Variants in NUMB observed in about 807,000 individuals in gnomAD.
NUMB encodes the protein protein numb homolog.
A neutral mutation model predicts 59.7 loss-of-function variants in NUMB; 29 were observed. That is an observed-to-expected ratio of 0.49 (90% CI 0.36 to 0.66). NUMB has a LOEUF of 0.66. Ranked by LOEUF, NUMB falls within the 30% of genes least tolerant of loss-of-function variation. NUMB has a pLI of 0.00. For synonymous variants in NUMB, 288 were observed against 288.2 expected, an observed-to-expected ratio of 1.00 and a Z score of 0.01; for missense variants, 723 against 822.0, an observed-to-expected ratio of 0.88 and a Z score of 1.47.
chr14:73,297,075 G>A (rs994536463), intron 7 of NUMB, 136 bp downstream of exon 7: 3 of 552,642 alleles, frequency 5.4e-6, no homozygotes, highest in East Asian at 3.7e-5. Flanking sequence ...GCTGAGGCAG[G>A]AGAATCGCTT....
intron 9 of NUMB, 23 bp from the exon 10 acceptor site, chr14:73,284,397 A>C: frequency 6.3e-7 from 1 of 1,596,426 alleles, no homozygotes; most frequent in South Asian, 1.1e-5. Flanking sequence ...AAGAGAATGA[A>C]GACCTTAGCA....
intron 3 of NUMB, among the ~76,000 whole-genome samples, chr14:73,358,515 GA>G (rs1487540163): frequency 6.6e-6 from 1 of 151,006 alleles, no homozygotes; most frequent in Admixed American, 6.6e-5. Flanking sequence ...TGCCTAGAAA[GA>G]AATATCGTTA....
At chr14:73,291,970 C>T (rs896493264) in intron 8 of NUMB, among the ~76,000 whole-genome samples, 2 of 152,208 alleles carry the variant, frequency 1.3e-5, no homozygotes, top group African/African-American at 2.4e-5. Context: ...AGGTGTGAAC[C>T]ACCGTGCCTG....
At chr14:73,302,405 C>CTTTTTTTTTTTTTTT (rs71112726) in intron 6 of NUMB, among the ~76,000 whole-genome samples, 1 of 115,054 alleles carries the variant, frequency 8.7e-6, no homozygotes. Flanking sequence ...TTCCACATTT[C>CTTTTTTTTTTTTTTT]TTTTTTTTTT....
At chr14:73,407,348 A>G (rs1595001432) in intron 2 of NUMB, among the ~76,000 whole-genome samples, 1 of 152,136 alleles carries the variant, frequency 6.6e-6, no homozygotes, top group South Asian at 2.1e-4. Context: ...GTTACTCTGG[A>G]GGCAGAGATG....
At chr14:73,401,435 A>G (rs1896407744) in intron 2 of NUMB, among the ~76,000 whole-genome samples, 1 of 152,132 alleles carries the variant, frequency 6.6e-6, no homozygotes, top group Non-Finnish European at 1.5e-5. Flanking sequence ...GGTACTCATG[A>G]ACCAATAATG....
intron 1 of NUMB, among the ~76,000 whole-genome samples, chr14:73,430,493 G>C (rs1287572032): frequency 6.6e-6 from 1 of 151,980 alleles, no homozygotes; most frequent in African/African-American, 2.4e-5. Context: ...AATTAGCCGG[G>C]TGTGGTGGTA....
At chr14:73,338,716 G>C (rs1257283299) in intron 4 of NUMB, among the ~76,000 whole-genome samples, 2 of 152,146 alleles carry the variant, frequency 1.3e-5, no homozygotes, top group African/African-American at 4.8e-5. Context: ...ATGTATGCGG[G>C]CATTTTTGGT....
chr14:73,445,817 T>C (rs1419097538), intron 1 of NUMB, among the ~76,000 whole-genome samples: 1 of 152,138 alleles, frequency 6.6e-6, no homozygotes, highest in African/African-American at 2.4e-5. Flanking sequence ...TTGGAGTTCA[T>C]TTTACCATAC....
intron 2 of NUMB, among the ~76,000 whole-genome samples, chr14:73,407,749 G>C (rs546193101): frequency 1.3e-5 from 2 of 152,236 alleles, no homozygotes; most frequent in East Asian, 3.9e-4. Flanking sequence ...AAAGCCTATT[G>C]TCCATTCCTA....
chr14:73,328,954 C>T (rs571169172), intron 4 of NUMB, among the ~76,000 whole-genome samples: 129 of 152,064 alleles, frequency 8.5e-4, no homozygotes, highest in African/African-American at 3.0e-3. Flanking sequence ...CTACAACCTC[C>T]GCCTCCCAGG....
chr14:73,373,076 G>A (rs551062345), intron 2 of NUMB, among the ~76,000 whole-genome samples: 114 of 152,172 alleles, frequency 7.5e-4, no homozygotes, highest in African/African-American at 1.8e-3. Context: ...TCTCACTGAC[G>A]TTGGAATAGA....
chr14:73,412,465 T>G (rs1174229537), intron 1 of NUMB, among the ~76,000 whole-genome samples: 1 of 151,572 alleles, frequency 6.6e-6, no homozygotes, highest in East Asian at 1.9e-4. Flanking sequence ...CTATCTCTAT[T>G]AAAAATACAA....
intron 1 of NUMB, among the ~76,000 whole-genome samples, chr14:73,448,447 TCC>T (rs1266188348): frequency 6.6e-6 from 1 of 152,110 alleles, no homozygotes; most frequent in African/African-American, 2.4e-5. Flanking sequence ...CCTCCTTGGC[TCC>T]CAAAGTGCTG....
intron 2 of NUMB, among the ~76,000 whole-genome samples, chr14:73,389,226 G>T (rs963561819): frequency 2.3e-5 from 3 of 131,350 alleles, no homozygotes; most frequent in Non-Finnish European, 3.1e-5. Flanking sequence ...AGCCAAGATT[G>T]CGCCACTGAA....
intron 5 of NUMB, 45 bp from the exon 6 acceptor site, chr14:73,316,467 TAA>T (rs1891090761): frequency 1.3e-6 from 2 of 1,582,508 alleles, no homozygotes; most frequent in Middle Eastern, 3.3e-4. Context: ...TTGTATGGCC[TAA>T]ATGTCCCAGA....
intron 2 of NUMB, among the ~76,000 whole-genome samples, chr14:73,383,385 A>C (rs60851735): frequency 0.051 from 7,832 of 152,264 alleles, 653 homozygotes; most frequent in African/African-American, 0.18. Flanking sequence ...TAGCAGACTG[A>C]ACATTAACTG....
chr14:73,451,782 G>A (rs1883998351), intron 1 of NUMB, among the ~76,000 whole-genome samples: 1 of 152,138 alleles, frequency 6.6e-6, no homozygotes, highest in South Asian at 2.1e-4. Context: ...CTGTGTCCCT[G>A]GTTGCCCCAG....
chr14:73,403,965 G>A lies in NUMB; in HGVS notation c.-101+5972C>T, dbSNP rs1310892464. Among the ~76,000 whole-genome samples, 3 of 151,530 alleles carry A rather than the reference G, an allele frequency of 2.0e-5. No homozygotes were observed. The East Asian group carries it at 5.8e-4, about 29-fold the overall frequency. On this transcript the variant is annotated intron_variant, in intron 2 of 12. Transcript: ENST00000555238. Reference sequence around the variant, plus strand: ...AAAATTAGCCAGGCATGGTGGCGCGGCCCTGTAGTCCCAGCTACTCAGGAG... The same window carrying A: ...AAAATTAGCCAGGCATGGTGGCGCGACCCTGTAGTCCCAGCTACTCAGGAG...
Sources: allele counts gnomAD v4.1 joint callset (sites outside exome capture counted in the v4.1 genomes callset), GRCh38; gene constraint gnomAD v4.1.1; transcripts MANE v1.5; gene names NCBI Gene and HGNC (gene_info 2026-07-23, HGNC 2026-07-21).